MSRA: variants seen among roughly 807,000 people sequenced by gnomAD.
MSRA encodes the protein methionine sulfoxide reductase A.
A neutral mutation model predicts 31.3 loss-of-function variants in MSRA; 54 were observed. The observed-to-expected ratio is 1.73, with a 90% CI of 1.39 to 2.17. MSRA has a LOEUF of 2.17. Among genes scored for constraint, MSRA ranks in the 30% most tolerant of loss-of-function variants. The probability of loss-of-function intolerance (pLI) is 0.00; values close to 1 mark genes in which losing one functional copy is unlikely to be tolerated. For missense variants in MSRA, 507 were observed against 300.9 expected (o/e 1.69, Z -5.07); for synonymous variants, 169 against 116.5 (o/e 1.45, Z -2.90).
intron 5 of MSRA, among the ~76,000 whole-genome samples, chr8:10,360,798 G>A (rs113883684): frequency 1.4e-3 from 207 of 152,292 alleles, no homozygotes; most frequent in African/African-American, 4.8e-3. Context: ...ACCCTCTAGT[G>A]GGGGAGAGTG....
At position 10,224,658 on chromosome 8, in the gene MSRA, C is replaced by A. The variant is rs1375050261; in HGVS notation, c.211+16757C>A. On this transcript the variant is annotated intron_variant, in intron 2 of 5. Coordinates refer to ENST00000317173, the MANE Select transcript of MSRA (RefSeq NM_012331.5). ...TCCCTCTACTGACAGTCCCTGGATT[C>A]ATCACCACCACATTTCTAAGAAATC... Among the ~76,000 whole-genome samples the A allele has an allele frequency of 2.0e-5, 3 of 152,146 alleles. No homozygotes were observed. In the East Asian group the frequency reaches 5.8e-4, roughly 29 times the overall value.
At chr8:10,409,985 A>C (rs1585714575) in intron 5 of MSRA, among the ~76,000 whole-genome samples, 1 of 152,202 alleles carries the variant, frequency 6.6e-6, no homozygotes, top group African/African-American at 2.4e-5. Context: ...GCTGGAGCCC[A>C]GGAGTTTGAG....
chr8:10,117,919 CT>C (rs1800803785), intron 1 of MSRA, among the ~76,000 whole-genome samples: 2 of 152,158 alleles, frequency 1.3e-5, no homozygotes, highest in Admixed American at 6.5e-5. Flanking sequence ...CAAATGTAAC[CT>C]TTCATCTTGA....
At chr8:10,311,846 G>A (rs1207272837) in intron 4 of MSRA, among the ~76,000 whole-genome samples, 2 of 152,140 alleles carry the variant, frequency 1.3e-5, no homozygotes, top group Non-Finnish European at 2.9e-5. Flanking sequence ...GTGCCCAGGA[G>A]GTTGAGGCTG....
intron 5 of MSRA, among the ~76,000 whole-genome samples, chr8:10,392,789 G>A (rs1250023001): frequency 1.4e-5 from 2 of 147,434 alleles, no homozygotes; most frequent in Non-Finnish European, 3.0e-5. Flanking sequence ...GCTCACGCCT[G>A]TAATCCCAGC....
At chr8:10,134,001 T>G (rs988636746) in intron 1 of MSRA, among the ~76,000 whole-genome samples, 3 of 152,058 alleles carry the variant, frequency 2.0e-5, no homozygotes, top group African/African-American at 7.2e-5. Context: ...TGGCTAATTT[T>G]TGTATTTTTA....
chr8:10,094,097 C>G (rs963831607), intron 1 of MSRA, among the ~76,000 whole-genome samples: 7 of 152,206 alleles, frequency 4.6e-5, no homozygotes, highest in Non-Finnish European at 4.4e-5. Context: ...CACTGTTAGT[C>G]TGCCCACGTT....
chr8:10,109,123 G>A (rs577075680), intron 1 of MSRA, among the ~76,000 whole-genome samples: 2 of 152,170 alleles, frequency 1.3e-5, no homozygotes, highest in Admixed American at 1.3e-4. Context: ...AAATTGTTGA[G>A]CATAGCAAAA....
chr8:10,236,127 A>G (rs940088467), intron 2 of MSRA, among the ~76,000 whole-genome samples: 1 of 152,180 alleles, frequency 6.6e-6, no homozygotes, highest in Non-Finnish European at 1.5e-5. Flanking sequence ...AACTTTCTCA[A>G]CCTGATAAAG....
chr8:10,258,765 C>G (rs1798313738), intron 3 of MSRA, among the ~76,000 whole-genome samples: 1 of 152,204 alleles, frequency 6.6e-6, no homozygotes, highest in Admixed American at 6.5e-5. Flanking sequence ...CAGGCTTTCC[C>G]TCAGATTGTT....
chr8:10,280,298 C>T (rs898614847), intron 3 of MSRA, among the ~76,000 whole-genome samples: 2 of 151,968 alleles, frequency 1.3e-5, no homozygotes, highest in East Asian at 1.9e-4. Flanking sequence ...CAAATACCTT[C>T]GTATAGTTGT....
rs529779957 is a variant in MSRA, at chr8:10,269,549, CAG to C, written c.331+24329_331+24330del. 2.6e-5 allele frequency among the ~76,000 whole-genome samples: 4 copies of C among 152,352 alleles called. No homozygotes were observed. The South Asian group carries it at 8.3e-4, about 32-fold the overall frequency. ...TGTTACCTACAGAGAGCCGGCAGGGCAGAGTGTCAAATGCGTGGGATTCAGAG... is the reference window on the plus strand; with the variant it reads ...TGTTACCTACAGAGAGCCGGCAGGGCAGTGTCAAATGCGTGGGATTCAGAG... On this transcript the variant is annotated intron_variant, in intron 3 of 5. Coordinates refer to ENST00000317173, the MANE Select transcript of MSRA (RefSeq NM_012331.5).
At chr8:10,399,986 G>A (rs1322980091) in intron 5 of MSRA, among the ~76,000 whole-genome samples, 1 of 152,176 alleles carries the variant, frequency 6.6e-6, no homozygotes, top group Admixed American at 6.5e-5. Context: ...TCCTGACAAG[G>A]GGCAGGTAAT....
rs190834309 is a variant in MSRA at position 10,423,153 on chromosome 8, G to A, written c.544-4995G>A. On this transcript the variant is annotated intron_variant, in intron 5 of 5. Transcript: ENST00000317173. ...GTCCTCCCCATGGACGACGGGAGAG[G>A]GGAGAGGCCACCAGGCTGCGCATTA... 1.9e-4 allele frequency among the ~76,000 whole-genome samples: 29 copies of A among 152,274 alleles called. No individual in the cohort carries two copies. The East Asian group carries it at 5.2e-3, about 27-fold the overall frequency.
chr8:10,263,209 C>T (rs1319609158), intron 3 of MSRA, among the ~76,000 whole-genome samples: 1 of 152,178 alleles, frequency 6.6e-6, no homozygotes, highest in Non-Finnish European at 1.5e-5. Flanking sequence ...ATTGCTGTCA[C>T]CCCCAAACGA....
At chr8:10,282,652 C>T (rs902523719) in intron 3 of MSRA, among the ~76,000 whole-genome samples, 4 of 152,172 alleles carry the variant, frequency 2.6e-5, no homozygotes, top group Non-Finnish European at 5.9e-5. Context: ...GCGATATGAG[C>T]TGAGCATAAA....
intron 5 of MSRA, among the ~76,000 whole-genome samples, chr8:10,323,724 C>G (rs915762211): frequency 3.7e-5 from 5 of 135,990 alleles, no homozygotes; most frequent in African/African-American, 1.3e-4. Context: ...GTTCTGAACC[C>G]AAGCACATGG....
chr8:10,192,522 A>C (rs560778487), intron 1 of MSRA, among the ~76,000 whole-genome samples: 2 of 152,372 alleles, frequency 1.3e-5, no homozygotes, highest in South Asian at 4.1e-4. Context: ...GCAATTGAAC[A>C]GTGGTTGTTG....
At chr8:10,291,620 G>T (rs1312099810) in intron 3 of MSRA, among the ~76,000 whole-genome samples, 1 of 152,080 alleles carries the variant, frequency 6.6e-6, no homozygotes, top group Non-Finnish European at 1.5e-5. Context: ...CAAGAGAAAA[G>T]TAGTGTTTTG....
Sources: allele counts gnomAD v4.1 joint callset (sites outside exome capture counted in the v4.1 genomes callset), GRCh38; gene constraint gnomAD v4.1.1; transcripts MANE v1.5; gene names NCBI Gene and HGNC (gene_info 2026-07-23, HGNC 2026-07-21).